FLVCR2: variants seen among roughly 807,000 people sequenced by gnomAD.
FLVCR2 encodes the protein FLVCR choline and putative heme transporter 2, also known as choline/ethanolamine transporter FLVCR2.
FLVCR2 carries 38 observed loss-of-function variants against 48.9 expected under a neutral mutation model. The observed-to-expected ratio is 0.78, with a 90% CI of 0.60 to 1.02. The LOEUF is 1.02. Among genes scored for constraint, FLVCR2 ranks in the 50% least tolerant of loss-of-function variants. The pLI, the probability that FLVCR2 is intolerant of heterozygous loss-of-function variation, is 0.00. For missense variants in FLVCR2, 664 were observed against 663.3 expected (o/e 1.00, Z -0.01); for synonymous variants, 255 against 257.0 (o/e 0.99, Z 0.07).
intron 3 of FLVCR2, among the ~76,000 whole-genome samples, chr14:75,627,429 G>A (rs1348446520): frequency 6.6e-6 from 1 of 152,182 alleles, no homozygotes; most frequent in Non-Finnish European, 1.5e-5. Flanking sequence ...AGTAACAACA[G>A]TGGGCCTTGT....
In FLVCR2 at chr14:75,621,940, G is replaced by C. The variant is rs1378482136; in HGVS notation, c.670-139G>C. On this transcript the variant is annotated intron_variant, in intron 1 of 9. Transcript: ENST00000238667. Reference sequence around the variant, plus strand: ...AAGAAAGATTTCTCTGGTGTTTTGAGGTGAGAAATAATCCCTGCATGGGTG... The same window carrying C: ...AAGAAAGATTTCTCTGGTGTTTTGACGTGAGAAATAATCCCTGCATGGGTG... The C allele has an allele frequency of 6.5e-6, 6 of 917,986 alleles. No individual in the cohort carries two copies. In the South Asian group the frequency reaches 6.6e-5, roughly 10 times the overall value. 56.9% of individuals were successfully genotyped at this position (917,986 alleles called of 1,614,324 possible).
At chr14:75,632,727 C>A in intron 3 of FLVCR2, 1 of 702,232 alleles carries the variant, frequency 1.4e-6, no homozygotes. Context: ...GTCTTGTGAG[C>A]CTCAATGTTT....
chr14:75,633,795 A>G (rs1890101804), intron 4 of FLVCR2, 99 bp downstream of exon 4: 1 of 906,116 alleles, frequency 1.1e-6, no homozygotes, highest in Non-Finnish European at 1.9e-6. Context: ...CATTCCCCCC[A>G]GTTCTAGGTA....
At chr14:75,605,715 C>T (rs1199618402) in intron 1 of FLVCR2, 10 of 1,215,338 alleles carry the variant, frequency 8.2e-6, no homozygotes, top group Non-Finnish European at 1.1e-5. Context: ...TTTGGCTCCC[C>T]TCCGATTGCT....
intron 3 of FLVCR2, among the ~76,000 whole-genome samples, chr14:75,624,970 T>G (rs2140040297): frequency 6.6e-6 from 1 of 152,146 alleles, no homozygotes. Flanking sequence ...ATCTGACAAA[T>G]GCCTGTTGGT....
intron 1 of FLVCR2, among the ~76,000 whole-genome samples, chr14:75,590,317 C>T (rs929902435): frequency 7.2e-5 from 11 of 152,214 alleles, no homozygotes; most frequent in Non-Finnish European, 5.9e-5. Flanking sequence ...CAGGCACTAC[C>T]GCCCAACACT....
intron 1 of FLVCR2, among the ~76,000 whole-genome samples, chr14:75,621,585 C>T (rs1225381201): frequency 1.3e-5 from 2 of 152,172 alleles, no homozygotes; most frequent in Non-Finnish European, 2.9e-5. Flanking sequence ...TAAACTGAAG[C>T]TTCCATGCTT....
In FLVCR2 at chr14:75,624,774, G is replaced by A. The variant is rs1375188020; in HGVS notation, c.952+22G>A. The A allele has an allele frequency of 4.3e-6, 7 of 1,613,632 alleles. No homozygotes were observed. The Admixed American group carries it at 8.3e-5, about 19-fold the overall frequency. On this transcript the variant is annotated intron_variant, in intron 3 of 9. Coordinates refer to ENST00000238667, the MANE Select transcript of FLVCR2 (RefSeq NM_017791.3). ...TATGGTAAGGTGTCAATGTGTCTAG[G>A]AATGCATTCGAGCTGGAAATGTTAG... is the stretch of plus-strand genomic sequence containing the variant.
intron 1 of FLVCR2, among the ~76,000 whole-genome samples, chr14:75,621,568 C>T (rs1889767439): frequency 6.6e-6 from 1 of 152,080 alleles, no homozygotes; most frequent in South Asian, 2.1e-4. Context: ...CTACGTTATT[C>T]ACACAATAAA....
Position 75,641,272 on chromosome 14 carries a change from A to C in FLVCR2, c.1432A>C (p.Thr478Pro). ...GAACATCTTCCTGTGTGTGTTCCTT[A>C]CTCTTGGAGCAGCCCTCACTGGTGA... ...PGNIFLCVFLTLGAALTAFIK... is the reference protein window; with the variant it reads ...PGNIFLCVFLPLGAALTAFIK... The change falls in exon 8 of 10, where the codon ACT becomes CCT. Residue 478 changes from threonine to proline, a missense_variant. Transcript: ENST00000238667. 1 of 1,613,088 alleles carries C rather than the reference A, an allele frequency of 6.2e-7. No individual in the cohort carries two copies. The highest frequency in any genetic ancestry group is 2.2e-5 in the East Asian group (1 of 44,830).
At chr14:75,600,390 A>G (rs905223583) in intron 1 of FLVCR2, among the ~76,000 whole-genome samples, 5 of 152,290 alleles carry the variant, frequency 3.3e-5, no homozygotes, top group African/African-American at 7.2e-5. Flanking sequence ...TAAGCAGCTG[A>G]GCAGTCCATG....
intron 1 of FLVCR2, among the ~76,000 whole-genome samples, chr14:75,603,427 C>T (rs1023487624): frequency 3.3e-5 from 5 of 152,188 alleles, no homozygotes; most frequent in Non-Finnish European, 7.3e-5. Flanking sequence ...TGGGGACAGC[C>T]AGACCTCAGG....
chr14:75,605,966 CTG>C, intron 1 of FLVCR2: 1 of 311,806 alleles, frequency 3.2e-6, no homozygotes, highest in Non-Finnish European at 6.2e-6. Flanking sequence ...AGTCTATTTG[CTG>C]TGTTCATCTA....
intron 1 of FLVCR2, among the ~76,000 whole-genome samples, chr14:75,615,791 G>A (rs923980004): frequency 3.3e-5 from 5 of 150,082 alleles, no homozygotes; most frequent in East Asian, 3.9e-4. Flanking sequence ...AGGCCGAGGC[G>A]GGCGGATCAC....
intron 1 of FLVCR2, among the ~76,000 whole-genome samples, chr14:75,617,237 T>C (rs1231533693): frequency 6.6e-6 from 1 of 152,138 alleles, no homozygotes. Context: ...TGAGCTAGAA[T>C]CACAAGTGAG....
At chr14:75,606,850 T>G (rs10047955) in intron 1 of FLVCR2, among the ~76,000 whole-genome samples, 62,407 of 151,332 alleles carry the variant, frequency 0.41, 17,296 homozygotes, top group African/African-American at 0.76. Context: ...AGGCTGAGGT[T>G]GGGGGATCAC....
At chr14:75,642,427 G>T (rs1890325216) in intron 9 of FLVCR2, among the ~76,000 whole-genome samples, 1 of 152,212 alleles carries the variant, frequency 6.6e-6, no homozygotes, top group Non-Finnish European at 1.5e-5. Flanking sequence ...AGGAGCTGGC[G>T]AGGTAGCAGA....
chr14:75,639,570 C>T, intron 6 of FLVCR2, 108 bp downstream of exon 6: 1 of 798,348 alleles, frequency 1.3e-6, no homozygotes, highest in African/African-American at 1.7e-5. Flanking sequence ...TCTAACTGAC[C>T]TCAGGAGATA....
intron 1 of FLVCR2, among the ~76,000 whole-genome samples, chr14:75,612,773 C>T (rs1889492984): frequency 2.6e-5 from 4 of 152,262 alleles, no homozygotes; most frequent in South Asian, 4.1e-4. Context: ...CTTTCTGGGG[C>T]ATCCGCAGAC....
Sources: gnomAD v4.1 joint callset for allele counts (sites outside exome capture counted in the v4.1 genomes callset) on GRCh38, gnomAD v4.1.1 for gene constraint, MANE v1.5 for transcripts, NCBI Gene and HGNC (gene_info 2026-07-23, HGNC 2026-07-21) for gene names.